The following NEGR1 variants were observed in gnomAD, a reference collection of about 807,000 sequenced individuals.
NEGR1 encodes IgLON family member 4.
A neutral mutation model predicts 40.9 loss-of-function variants in NEGR1; 10 were observed. That is an observed-to-expected ratio of 0.24 (90% CI 0.15 to 0.42). The LOEUF (loss-of-function observed/expected upper bound fraction) is 0.42, where lower values mean the gene tolerates loss of function less well. Ranked by LOEUF, NEGR1 falls within the 10% of genes least tolerant of loss-of-function variation. The pLI, the probability that NEGR1 is intolerant of heterozygous loss-of-function variation, is 1.00. For synonymous variants in NEGR1, 185 were observed against 166.8 expected (o/e 1.11, Z -0.84); for missense variants, 352 against 438.9 (o/e 0.80, Z 1.77).
At chr1:71,490,166 CA>C (rs1368766015) in intron 6 of NEGR1, among the ~76,000 whole-genome samples, 2 of 151,914 alleles carry the variant, frequency 1.3e-5, no homozygotes, top group Non-Finnish European at 2.9e-5. Flanking sequence ...ATTATTTTTA[CA>C]TTCTTTTGCG....
intron 1 of NEGR1, among the ~76,000 whole-genome samples, chr1:71,981,387 G>A (rs1323037924): frequency 6.6e-6 from 1 of 152,144 alleles, no homozygotes. Flanking sequence ...CTCCTTCTAA[G>A]GAAGACTAGC....
intron 6 of NEGR1, among the ~76,000 whole-genome samples, chr1:71,527,401 C>CA (rs1248321876): frequency 3.8e-5 from 5 of 130,686 alleles, no homozygotes; most frequent in Non-Finnish European, 6.5e-5. Context: ...TCCATCCAAC[C>CA]ACCATCCATC....
intron 4 of NEGR1, among the ~76,000 whole-genome samples, chr1:71,697,723 CT>C (rs1416930081): frequency 6.6e-6 from 1 of 151,710 alleles, no homozygotes; most frequent in Non-Finnish European, 1.5e-5. Flanking sequence ...GGCTACAGTG[CT>C]TTTGAGGTAA....
At chr1:72,199,290 G>A (rs1226809185) in intron 1 of NEGR1, among the ~76,000 whole-genome samples, 2 of 151,926 alleles carry the variant, frequency 1.3e-5, no homozygotes, top group South Asian at 4.2e-4. Flanking sequence ...ACATTGCTGT[G>A]CCAGGTACTA....
chr1:72,199,253 T>A (rs2100443668), intron 1 of NEGR1, among the ~76,000 whole-genome samples: 1 of 115,620 alleles, frequency 8.6e-6, no homozygotes, highest in African/African-American at 3.7e-5. Context: ...ACATGTATAC[T>A]GCGCTACTCT....
At chr1:72,135,981 T>A (rs1430397985) in intron 1 of NEGR1, among the ~76,000 whole-genome samples, 1 of 152,146 alleles carries the variant, frequency 6.6e-6, no homozygotes, top group African/African-American at 2.4e-5. Flanking sequence ...CCCAACAGAC[T>A]TTAAAAGATG....
At chr1:71,877,602 A>G (rs1660468596) in intron 2 of NEGR1, among the ~76,000 whole-genome samples, 1 of 152,172 alleles carries the variant, frequency 6.6e-6, no homozygotes, top group Non-Finnish European at 1.5e-5. Context: ...ATACAGTTAC[A>G]TCCTGAGGTA....
intron 3 of NEGR1, among the ~76,000 whole-genome samples, chr1:71,772,630 A>T (rs1398897971): frequency 6.6e-6 from 1 of 152,216 alleles, no homozygotes; most frequent in Admixed American, 6.5e-5. Context: ...TAAACGTATG[A>T]TACCAATGTT....
intron 1 of NEGR1, among the ~76,000 whole-genome samples, chr1:72,156,145 A>T (rs929423175): frequency 7.9e-5 from 12 of 152,326 alleles, no homozygotes; most frequent in African/African-American, 2.9e-4. Flanking sequence ...GCAATAGCAT[A>T]GGAGTAAAAT....
intron 2 of NEGR1, among the ~76,000 whole-genome samples, chr1:71,833,448 GT>G (rs975663613): frequency 9.5e-4 from 145 of 152,148 alleles, no homozygotes; most frequent in African/African-American, 3.4e-3. Context: ...TTTCTCCATG[GT>G]TGGTCAAGAC....
At chr1:71,942,648 C>A (rs1203753966) in intron 1 of NEGR1, among the ~76,000 whole-genome samples, 2 of 134,394 alleles carry the variant, frequency 1.5e-5, no homozygotes, top group African/African-American at 5.5e-5. Flanking sequence ...ACTACAGGCG[C>A]CCGCCACTAC....
intron 6 of NEGR1, among the ~76,000 whole-genome samples, chr1:71,502,354 C>A (rs931009723): frequency 6.6e-6 from 1 of 152,176 alleles, no homozygotes. Context: ...CAATGAGGAA[C>A]TGGGGAAGGG....
chr1:71,668,723 A>C (rs905976659), intron 4 of NEGR1, among the ~76,000 whole-genome samples: 2 of 152,142 alleles, frequency 1.3e-5, no homozygotes, highest in African/African-American at 4.8e-5. Flanking sequence ...AGAACAAAAA[A>C]TGAGAATGCC....
intron 1 of NEGR1, among the ~76,000 whole-genome samples, chr1:72,136,177 A>T (rs964512835): frequency 6.6e-6 from 1 of 152,198 alleles, no homozygotes; most frequent in Non-Finnish European, 1.5e-5. Flanking sequence ...ATATCAATCA[A>T]AATTGACTCT....
chr1:72,113,452 T>C (rs1649457580), intron 1 of NEGR1, among the ~76,000 whole-genome samples: 1 of 150,634 alleles, frequency 6.6e-6, no homozygotes, highest in Non-Finnish European at 1.5e-5. Flanking sequence ...AAAATATGTG[T>C]TTAGAAAAAA....
chr1:71,701,459 T>A (rs1028481586), intron 3 of NEGR1, among the ~76,000 whole-genome samples: 2 of 152,002 alleles, frequency 1.3e-5, no homozygotes, highest in African/African-American at 4.8e-5. Context: ...ACTTTGAATC[T>A]CTACTGCCTC....
At chr1:71,569,955 T>A (rs1648757971) in intron 6 of NEGR1, among the ~76,000 whole-genome samples, 1 of 148,964 alleles carries the variant, frequency 6.7e-6, no homozygotes, top group South Asian at 2.2e-4. Flanking sequence ...AGAGTAACAA[T>A]CACTGAATTA....
At chr1:72,193,036 A>G (rs1280348399) in intron 1 of NEGR1, among the ~76,000 whole-genome samples, 3 of 151,816 alleles carry the variant, frequency 2.0e-5, no homozygotes, top group Non-Finnish European at 4.4e-5. Context: ...AAATACTAGT[A>G]AATGATGGAA....
chr1:72,094,721 T>C (rs1648631922), intron 1 of NEGR1, among the ~76,000 whole-genome samples: 1 of 152,214 alleles, frequency 6.6e-6, no homozygotes, highest in Admixed American at 6.5e-5. Flanking sequence ...ACCTGCTGTC[T>C]ACCCAAACTG....
Sources: gnomAD v4.1 joint callset for allele counts (sites outside exome capture counted in the v4.1 genomes callset) on GRCh38, gnomAD v4.1.1 for gene constraint, MANE v1.5 for transcripts, NCBI Gene and HGNC (gene_info 2026-07-23, HGNC 2026-07-21) for gene names.